Variants in KCNH1 observed in about 807,000 individuals in gnomAD.
KCNH1 encodes the protein potassium voltage-gated channel subfamily H member 1.
A neutral mutation model predicts 69.2 loss-of-function variants in KCNH1; 27 were observed. That is an observed-to-expected ratio of 0.39 (90% CI 0.29 to 0.54). KCNH1 has a LOEUF of 0.54. KCNH1 is among the 20% of genes least tolerant of loss of function. KCNH1 has a pLI of 0.68. For missense variants in KCNH1, 798 were observed against 1,261.6 expected, an observed-to-expected ratio of 0.63 and a Z score of 5.57; for synonymous variants, 456 against 487.7, an observed-to-expected ratio of 0.93 and a Z score of 0.86.
At chr1:211,044,609 A>G (rs1260827585) in intron 5 of KCNH1, among the ~76,000 whole-genome samples, 1 of 152,214 alleles carries the variant, frequency 6.6e-6, no homozygotes, top group African/African-American at 2.4e-5. Flanking sequence ...GGACATGAAT[A>G]GACAATTCTC....
intron 8 of KCNH1, 45 bp downstream of exon 8, chr1:210,803,922 A>C: frequency 6.4e-7 from 1 of 1,572,098 alleles, no homozygotes; most frequent in Non-Finnish European, 8.7e-7. Flanking sequence ...CCTCCTAGGG[A>C]AACCAAAAGA....
intron 5 of KCNH1, among the ~76,000 whole-genome samples, chr1:211,037,359 C>T (rs939023849): frequency 2.0e-5 from 3 of 152,094 alleles, no homozygotes; most frequent in South Asian, 2.1e-4. Context: ...ACATCTCATG[C>T]AATGGGAAGG....
At chr1:210,929,976 G>A (rs748848976) in intron 6 of KCNH1, among the ~76,000 whole-genome samples, 4 of 152,094 alleles carry the variant, frequency 2.6e-5, no homozygotes, top group African/African-American at 4.8e-5. Context: ...CCTAACCAAG[G>A]AGGTGAAAGT....
intron 7 of KCNH1, among the ~76,000 whole-genome samples, chr1:210,913,686 G>A (rs1340338124): frequency 2.0e-5 from 3 of 152,178 alleles, no homozygotes; most frequent in African/African-American, 7.2e-5. Flanking sequence ...ATGTTTCCTA[G>A]TATCAACTGA....
chr1:211,118,767 G>T (rs547748970), intron 1 of KCNH1, among the ~76,000 whole-genome samples: 1 of 152,266 alleles, frequency 6.6e-6, no homozygotes, highest in South Asian at 2.1e-4. Context: ...ATATTCTCAA[G>T]AGAAATTATT....
chr1:210,830,893 C>T (rs1247666202), intron 7 of KCNH1, among the ~76,000 whole-genome samples: 2 of 152,138 alleles, frequency 1.3e-5, no homozygotes, highest in African/African-American at 4.8e-5. Flanking sequence ...CCAGCTTGGC[C>T]AGAGTTGAGG....
chr1:210,907,529 G>GAAAA (rs36116141), intron 7 of KCNH1, among the ~76,000 whole-genome samples: 1 of 143,612 alleles, frequency 7.0e-6, no homozygotes. Context: ...GGACTGGGAA[G>GAAAA]AAAAAAAAAA....
intron 5 of KCNH1, among the ~76,000 whole-genome samples, chr1:211,047,285 G>T (rs1449972387): frequency 2.6e-5 from 4 of 152,130 alleles, no homozygotes; most frequent in African/African-American, 9.7e-5. Flanking sequence ...TATAGGCATT[G>T]GTCTCAGACA....
At chr1:210,943,550 C>T (rs1687908968) in intron 6 of KCNH1, among the ~76,000 whole-genome samples, 1 of 151,942 alleles carries the variant, frequency 6.6e-6, no homozygotes, top group South Asian at 2.1e-4. Context: ...GACGGAGTTT[C>T]ACCATGTTAG....
intron 7 of KCNH1, among the ~76,000 whole-genome samples, chr1:210,907,428 C>G (rs781608270): frequency 2.0e-5 from 3 of 151,708 alleles, no homozygotes; most frequent in Non-Finnish European, 4.4e-5. Context: ...ACATTGGTAT[C>G]GGGTGAGATT....
chr1:211,049,047 AT>A (rs1016227964), intron 5 of KCNH1, among the ~76,000 whole-genome samples: 2 of 152,162 alleles, frequency 1.3e-5, no homozygotes, highest in South Asian at 2.1e-4. Context: ...GAAAAAAAAA[AT>A]AAAGTAGCCT....
intron 10 of KCNH1, among the ~76,000 whole-genome samples, chr1:210,707,232 A>G (rs750797754): frequency 6.6e-6 from 1 of 152,040 alleles, no homozygotes; most frequent in Non-Finnish European, 1.5e-5. Flanking sequence ...TGGTGGATGC[A>G]CGGGACCCCC....
At chr1:210,715,622 A>G (rs1574203356) in intron 10 of KCNH1, among the ~76,000 whole-genome samples, 1 of 152,160 alleles carries the variant, frequency 6.6e-6, no homozygotes, top group Non-Finnish European at 1.5e-5. Context: ...TCATTAGGTC[A>G]TAATTTTCCC....
intron 6 of KCNH1, among the ~76,000 whole-genome samples, chr1:211,001,983 A>C (rs1689188143): frequency 1.5e-5 from 2 of 136,370 alleles, no homozygotes; most frequent in African/African-American, 5.4e-5. Flanking sequence ...GGACACAGGA[A>C]GGGGAACAGC....
intron 3 of KCNH1, among the ~76,000 whole-genome samples, chr1:211,091,901 A>G (rs1007148141): frequency 1.3e-5 from 2 of 152,182 alleles, no homozygotes; most frequent in African/African-American, 4.8e-5. Context: ...AGAAGCACCA[A>G]TTTATTCTAT....
rs6540655 is a variant in KCNH1 at position 211,066,459 on chromosome 1, G to A, written c.558+16321C>T. Among the ~76,000 whole-genome samples, 602 of 152,200 alleles carry A rather than the reference G, an allele frequency of 4.0e-3. 4 individuals carry two copies. Among genetic ancestry groups the A allele is most frequent in the African/African-American group, 0.014 (570 of 41,524 alleles). On this transcript the variant is annotated intron_variant, in intron 5 of 10. Coordinates refer to ENST00000271751, the MANE Select transcript of KCNH1 (RefSeq NM_172362.3). ...GTATACTTTATATACATAGCCTAAA[G>A]GTAATATCATCAATATTTTTAATAA...
At chr1:210,889,460 C>G (rs927300190) in intron 7 of KCNH1, among the ~76,000 whole-genome samples, 1 of 152,190 alleles carries the variant, frequency 6.6e-6, no homozygotes, top group Admixed American at 6.5e-5. Flanking sequence ...ACTGAATGGG[C>G]AGAAGCCAGA....
chr1:210,845,147 G>A (rs1253916191), intron 7 of KCNH1, among the ~76,000 whole-genome samples: 3 of 152,128 alleles, frequency 2.0e-5, no homozygotes, highest in Non-Finnish European at 4.4e-5. Context: ...TCTACCTGAG[G>A]TACAAAGAGG....
At chr1:211,091,862 ATCT>A (rs753590495) in intron 3 of KCNH1, among the ~76,000 whole-genome samples, 1 of 152,174 alleles carries the variant, frequency 6.6e-6, no homozygotes, top group East Asian at 1.9e-4. Context: ...ATAAATAAAC[ATCT>A]TCTAGCCATA....
Sources: gnomAD v4.1 joint callset for allele counts (sites outside exome capture counted in the v4.1 genomes callset) on GRCh38, gnomAD v4.1.1 for gene constraint, MANE v1.5 for transcripts, NCBI Gene and HGNC (gene_info 2026-07-23, HGNC 2026-07-21) for gene names.